TTBK2: variants seen among roughly 807,000 people sequenced by gnomAD.
TTBK2 encodes the protein tau-tubulin kinase 2.
TTBK2 carries 28 observed loss-of-function variants against 110.8 expected under a neutral mutation model. The observed-to-expected ratio is 0.25, with a 90% CI of 0.19 to 0.35. The LOEUF (loss-of-function observed/expected upper bound fraction) is 0.35. TTBK2 is among the 10% of genes least tolerant of loss of function. The pLI, the probability that TTBK2 is intolerant of heterozygous loss-of-function variation, is 1.00. For synonymous variants in TTBK2, 532 were observed against 527.3 expected (o/e 1.01, Z -0.12); for missense variants, 1,369 against 1,500.3 (o/e 0.91, Z 1.45).
chr15:42,842,753 C>G (rs938634686), intron 3 of TTBK2, among the ~76,000 whole-genome samples: 26 of 151,082 alleles, frequency 1.7e-4, no homozygotes, highest in African/African-American at 6.3e-4. Context: ...TTTTTTGCAC[C>G]TGTGTTATCA....
chr15:42,810,933 C>T (rs182482805), intron 8 of TTBK2, among the ~76,000 whole-genome samples, 194 bp from the exon 9 acceptor site: 8 of 152,180 alleles, frequency 5.3e-5, no homozygotes, highest in East Asian at 1.9e-4. Context: ...TAATGCAGAA[C>T]GAAACAAGTA....
In TTBK2 at chr15:42,752,773, C is replaced by G; in HGVS notation, c.2473G>C (p.Val825Leu). Residue 825 changes from valine to leucine, a missense_variant, in exon 14 of 15, where the codon GTG (valine) becomes CTG (leucine). Physicochemically the swap from Val to Leu is conservative, Grantham distance 32 (BLOSUM62 1). Around this residue, in one of 4 missense-constraint regions of TTBK2, gnomAD observed 1,097 missense variants for 1,114.7 expected, o/e 0.98. Transcript: ENST00000267890. Reference protein sequence around the residue: ...DHSATTEPLDVTKTQTFSVVP... With the variant: ...DHSATTEPLDLTKTQTFSVVP... ...ACACTAAAAGTCTGTGTTTTTGTCACATCAAGAGGTTCAGTAGTAGCTGAG... is the reference window on the plus strand; with the variant it reads ...ACACTAAAAGTCTGTGTTTTTGTCAGATCAAGAGGTTCAGTAGTAGCTGAG... 6.2e-7 allele frequency: 1 copy of G among 1,614,206 alleles called. No homozygotes were observed. The highest frequency in any genetic ancestry group is 8.5e-7 in the Non-Finnish European group (1 of 1,180,036).
intron 9 of TTBK2, among the ~76,000 whole-genome samples, chr15:42,798,041 G>A (rs1234296980): frequency 6.6e-6 from 1 of 152,152 alleles, no homozygotes; most frequent in Admixed American, 6.5e-5. Context: ...ACGCCACCAT[G>A]CCCAGCTAAT....
chr15:42,870,629 G>A (rs556020663), intron 3 of TTBK2, among the ~76,000 whole-genome samples: 1 of 151,852 alleles, frequency 6.6e-6, no homozygotes, highest in Admixed American at 6.6e-5. Context: ...TTGGGAGACC[G>A]AGGTGGGAAG....
intron 13 of TTBK2, among the ~76,000 whole-genome samples, chr15:42,768,530 T>C (rs1889498254): frequency 6.6e-6 from 1 of 151,974 alleles, no homozygotes; most frequent in African/African-American, 2.4e-5. Flanking sequence ...GAGAATAAAA[T>C]ACCTAGGAAT....
chr15:42,904,297 A>G (rs1039169527), intron 1 of TTBK2, among the ~76,000 whole-genome samples: 1 of 152,252 alleles, frequency 6.6e-6, no homozygotes, highest in Non-Finnish European at 1.5e-5. Flanking sequence ...AAAGTTATGC[A>G]TGACCACAGG....
intron 3 of TTBK2, among the ~76,000 whole-genome samples, chr15:42,860,046 A>G (rs1894094024): frequency 6.6e-6 from 1 of 152,176 alleles, no homozygotes; most frequent in African/African-American, 2.4e-5. Flanking sequence ...AGAAAATCAA[A>G]GAGGACAAAG....
chr15:42,801,966 C>A (rs1036072565), intron 9 of TTBK2: 1 of 1,579,074 alleles, frequency 6.3e-7, no homozygotes, highest in African/African-American at 1.3e-5. Context: ...TCTCCAGCTG[C>A]CACTTAAGGT....
At chr15:42,809,506 T>C (rs1567036714) in intron 9 of TTBK2, among the ~76,000 whole-genome samples, 12 of 152,220 alleles carry the variant, frequency 7.9e-5, no homozygotes, top group Non-Finnish European at 1.5e-5. Flanking sequence ...GATGGGAAAG[T>C]TGGAACAATT....
chr15:42,815,905 T>A (rs1567040254), intron 7 of TTBK2, among the ~76,000 whole-genome samples: 5 of 112,052 alleles, frequency 4.5e-5, no homozygotes, highest in Admixed American at 2.1e-4. Context: ...TATATATATA[T>A]ATTTAAAAAT....
rs369876689 is a variant in TTBK2, at chr15:42,745,834, G to T, written c.3696C>A (p.Pro1232=). Residue 1232 remains proline (P), a synonymous_variant, in exon 15 of 15, where the codon CCC becomes CCA. Transcript: ENST00000267890. ...LHHHSASTKT[P]QGKSKPASKL... ...TACTGGCTGGCTTACTCTTCCCTTG[G>T]GGGGTTTTAGTGCTGGCTGAGTGGT... is the stretch of plus-strand genomic sequence containing the variant. The T allele has an allele frequency of 6.2e-7, 1 of 1,614,024 alleles. No individual in the cohort carries two copies. The highest frequency in any genetic ancestry group is 8.5e-7 in the Non-Finnish European group (1 of 1,180,042).
At chr15:42,905,189 T>C (rs986513843) in intron 1 of TTBK2, among the ~76,000 whole-genome samples, 1 of 151,954 alleles carries the variant, frequency 6.6e-6, no homozygotes, top group Non-Finnish European at 1.5e-5. Context: ...CTGTATATAA[T>C]TTAAGTCATA....
intron 11 of TTBK2, among the ~76,000 whole-genome samples, chr15:42,779,000 A>ACTTTTT (rs1890061967): frequency 6.6e-6 from 1 of 152,244 alleles, no homozygotes; most frequent in Non-Finnish European, 1.5e-5. Flanking sequence ...AGTAGCTGGG[A>ACTTTTT]AGGAAAGATG....
intron 12 of TTBK2, 138 bp downstream of exon 12, chr15:42,776,893 A>G (rs1889948114): frequency 2.5e-6 from 2 of 795,562 alleles, no homozygotes; most frequent in Non-Finnish European, 4.1e-6. Context: ...AGCTGAATAG[A>G]CTCAGTGTTA....
At chr15:42,883,347 A>G (rs1172427240) in intron 1 of TTBK2, among the ~76,000 whole-genome samples, 1 of 150,726 alleles carries the variant, frequency 6.6e-6, no homozygotes, top group Non-Finnish European at 1.5e-5. Flanking sequence ...ATTGCACTAC[A>G]GCCTGGGTGA....
intron 13 of TTBK2, among the ~76,000 whole-genome samples, chr15:42,771,170 T>TCA: frequency 6.6e-6 from 1 of 152,084 alleles, no homozygotes; most frequent in East Asian, 1.9e-4. Flanking sequence ...AGATGGGGTT[T>TCA]CACTATCTTG....
chr15:42,766,990 T>C (rs980980037), intron 13 of TTBK2, among the ~76,000 whole-genome samples: 4 of 152,074 alleles, frequency 2.6e-5, no homozygotes, highest in African/African-American at 9.7e-5. Flanking sequence ...CACTCAAAAC[T>C]GCACAACTAC....
intron 6 of TTBK2, among the ~76,000 whole-genome samples, chr15:42,818,930 A>C (rs1431272511): frequency 6.7e-6 from 1 of 149,298 alleles, no homozygotes; most frequent in Admixed American, 6.6e-5. Flanking sequence ...CTCAAAAAAA[A>C]AAAACAAAAA....
At chr15:42,843,006 T>TA (rs1893294033) in intron 3 of TTBK2, among the ~76,000 whole-genome samples, 1 of 152,062 alleles carries the variant, frequency 6.6e-6, no homozygotes, top group African/African-American at 2.4e-5. Flanking sequence ...AAAGAAACAA[T>TA]AAAAAATAAG....
Sources: gnomAD v4.1 joint callset for allele counts (sites outside exome capture counted in the v4.1 genomes callset) on GRCh38, gnomAD v4.1.1 for gene constraint, gnomAD v4.1.1 regional missense constraint, MANE v1.5 for transcripts, NCBI Gene and HGNC (gene_info 2026-07-23, HGNC 2026-07-21) for gene names.